Variants in IMMP2L observed in about 807,000 individuals in gnomAD.
IMMP2L encodes mitochondrial inner membrane protease subunit 2.
IMMP2L carries 18 observed loss-of-function variants against 19.3 expected under a neutral mutation model. That is an observed-to-expected ratio of 0.93 (90% CI 0.64 to 1.38). The LOEUF (loss-of-function observed/expected upper bound fraction) is 1.38, where lower values mean the gene tolerates loss of function less well. Among genes scored for constraint, IMMP2L ranks in the 40% most tolerant of loss-of-function variants. The pLI is 0.00. For synonymous variants in IMMP2L, 76 were observed against 73.0 expected (o/e 1.04, Z -0.21); for missense variants, 233 against 218.2 (o/e 1.07, Z -0.43).
At chr7:110,871,782 T>C (rs575148242) in intron 5 of IMMP2L, among the ~76,000 whole-genome samples, 1 of 152,238 alleles carries the variant, frequency 6.6e-6, no homozygotes, top group East Asian at 1.9e-4. Context: ...GTTGCAAAAG[T>C]ATGAAAAACA....
intron 3 of IMMP2L, among the ~76,000 whole-genome samples, chr7:110,977,569 G>A (rs988225588): frequency 2.6e-5 from 4 of 151,904 alleles, no homozygotes; most frequent in African/African-American, 7.2e-5. Context: ...TAACATTTCT[G>A]TGAAGTCTGT....
At chr7:111,185,510 G>C (rs140118626) in intron 3 of IMMP2L, among the ~76,000 whole-genome samples, 1 of 152,188 alleles carries the variant, frequency 6.6e-6, no homozygotes, top group African/African-American at 2.4e-5. Context: ...CAAATCTACA[G>C]GTTGTGAGCA....
At chr7:111,320,002 T>C (rs1824512287) in intron 3 of IMMP2L, among the ~76,000 whole-genome samples, 1 of 152,088 alleles carries the variant, frequency 6.6e-6, no homozygotes, top group Admixed American at 6.6e-5. Flanking sequence ...TGTATATTTC[T>C]GTGCATTAAA....
At chr7:110,785,763 T>C (rs1195605075) in intron 5 of IMMP2L, among the ~76,000 whole-genome samples, 1 of 151,878 alleles carries the variant, frequency 6.6e-6, no homozygotes, top group Admixed American at 6.6e-5. Flanking sequence ...TATATCATCA[T>C]ATAATTATTA....
chr7:111,382,351 C>G (rs528513216), intron 3 of IMMP2L, among the ~76,000 whole-genome samples: 9 of 150,814 alleles, frequency 6.0e-5, no homozygotes, highest in African/African-American at 2.0e-4. Flanking sequence ...ATACACAATG[C>G]CAGAAAAAAA....
At chr7:111,453,053 C>G (rs1339773933) in intron 3 of IMMP2L, among the ~76,000 whole-genome samples, 2 of 152,128 alleles carry the variant, frequency 1.3e-5, no homozygotes, top group African/African-American at 4.8e-5. Context: ...TGAGGTAGCA[C>G]TACCTAAACT....
At chr7:111,104,018 T>C (rs1193771936) in intron 3 of IMMP2L, among the ~76,000 whole-genome samples, 1 of 151,678 alleles carries the variant, frequency 6.6e-6, no homozygotes, top group Non-Finnish European at 1.5e-5. Context: ...TGAAAAGTGG[T>C]ACTCCTGTAA....
At chr7:111,149,305 T>C (rs977489429) in intron 3 of IMMP2L, among the ~76,000 whole-genome samples, 2 of 152,146 alleles carry the variant, frequency 1.3e-5, no homozygotes, top group African/African-American at 4.8e-5. Flanking sequence ...AAAACACTGA[T>C]ATTGAAGATG....
At chr7:110,815,561 C>T (rs1228067470) in intron 5 of IMMP2L, among the ~76,000 whole-genome samples, 1 of 152,032 alleles carries the variant, frequency 6.6e-6, no homozygotes. Flanking sequence ...CTCCTTGTAC[C>T]TCTGGTAGAA....
At chr7:111,041,875 T>C (rs1359627402) in intron 3 of IMMP2L, among the ~76,000 whole-genome samples, 1 of 152,208 alleles carries the variant, frequency 6.6e-6, no homozygotes, top group African/African-American at 2.4e-5. Flanking sequence ...GAAGATAGAA[T>C]GCCTCAGTTT....
chr7:111,388,520 C>T (rs1451381811), intron 3 of IMMP2L, among the ~76,000 whole-genome samples: 1 of 151,914 alleles, frequency 6.6e-6, no homozygotes, highest in East Asian at 1.9e-4. Context: ...ATGTAATGTA[C>T]ATATGTATTA....
chr7:110,992,330 T>G (rs575269251), intron 3 of IMMP2L, among the ~76,000 whole-genome samples: 1 of 152,160 alleles, frequency 6.6e-6, no homozygotes, highest in Non-Finnish European at 1.5e-5. Context: ...AACTACTTAT[T>G]TAACATTAAA....
At chr7:111,150,235 A>G (rs1803926692) in intron 3 of IMMP2L, among the ~76,000 whole-genome samples, 1 of 152,152 alleles carries the variant, frequency 6.6e-6, no homozygotes, top group Non-Finnish European at 1.5e-5. Context: ...TAATTTTTAA[A>G]TAAGTCTTGT....
intron 5 of IMMP2L, among the ~76,000 whole-genome samples, chr7:110,776,615 T>C (rs998717909): frequency 2.0e-5 from 3 of 152,092 alleles, no homozygotes; most frequent in South Asian, 4.1e-4. Flanking sequence ...TAACAAGTTG[T>C]TGACTAACTG....
At chr7:110,923,305 TC>T in intron 4 of IMMP2L, among the ~76,000 whole-genome samples, 1 of 152,090 alleles carries the variant, frequency 6.6e-6, no homozygotes, top group East Asian at 1.9e-4. Flanking sequence ...AAAGAGAAAC[TC>T]CGGTAAAAAG....
intron 4 of IMMP2L, among the ~76,000 whole-genome samples, chr7:110,957,815 T>A: frequency 6.6e-6 from 1 of 151,978 alleles, no homozygotes; most frequent in East Asian, 1.9e-4. Context: ...GTTACAGAAG[T>A]TTTCAGTGAA....
intron 5 of IMMP2L, among the ~76,000 whole-genome samples, chr7:110,716,147 G>A (rs949333592): frequency 1.1e-4 from 17 of 151,692 alleles, no homozygotes; most frequent in African/African-American, 4.1e-4. Flanking sequence ...AAAGGGTTGG[G>A]AAAAGATCTG....
At chr7:111,320,293 A>G (rs1214940725) in intron 3 of IMMP2L, among the ~76,000 whole-genome samples, 3 of 152,008 alleles carry the variant, frequency 2.0e-5, no homozygotes, top group Admixed American at 6.6e-5. Flanking sequence ...TTCTTACTCA[A>G]ATCAGAAGCT....
chr7:111,485,333 CTCACGCCTGTAA>C (rs1842539840), intron 3 of IMMP2L, among the ~76,000 whole-genome samples: 1 of 152,068 alleles, frequency 6.6e-6, no homozygotes, highest in African/African-American at 2.4e-5. Context: ...GGCGCAGTGG[CTCACGCCTGTAA>C]TCCCAGCACT....
Sources: gnomAD v4.1 joint callset for allele counts (sites outside exome capture counted in the v4.1 genomes callset) on GRCh38, gnomAD v4.1.1 for gene constraint, MANE v1.5 for transcripts, NCBI Gene and HGNC (gene_info 2026-07-23, HGNC 2026-07-21) for gene names.